The following NREP variants were observed in gnomAD, a reference collection of about 807,000 sequenced individuals.
NREP encodes the protein neuronal regeneration-related protein.
In NREP, 5 loss-of-function variants were observed where a neutral mutation model predicts 8.6. That is an observed-to-expected ratio of 0.58 (90% CI 0.30 to 1.22). The LOEUF (loss-of-function observed/expected upper bound fraction) is 1.22, where lower values mean the gene tolerates loss of function less well. Among genes scored for constraint, NREP ranks in the 50% most tolerant of loss-of-function variants. The pLI, the probability that NREP is intolerant of heterozygous loss-of-function variation, is 0.07. For synonymous variants in NREP, 27 were observed against 28.0 expected, an observed-to-expected ratio of 0.96 and a Z score of 0.11; for missense variants, 86 against 82.5, an observed-to-expected ratio of 1.04 and a Z score of -0.17.
At position 111,824,938 on chromosome 5, in the gene NREP, G is replaced by A. The variant is rs76743983; in HGVS notation, c.136-89431C>T. Among the ~76,000 whole-genome samples, 412 of 152,216 alleles carry A rather than the reference G, an allele frequency of 2.7e-3. 7 individuals are homozygous for A. In the East Asian group the frequency reaches 0.051, roughly 19 times the overall value. On this transcript the variant is annotated intron_variant, in intron 2 of 3. Transcript: ENST00000395634. The stretch of plus-strand genomic sequence containing the variant: ...AAGTGCTATGAATAGTTCAATAAAT[G>A]CATTACATATATCGTCTATGTTGTT...
At chr5:111,751,460 T>C (rs1750357013) in intron 2 of NREP, among the ~76,000 whole-genome samples, 1 of 152,154 alleles carries the variant, frequency 6.6e-6, no homozygotes, top group Non-Finnish European at 1.5e-5. Context: ...TTCAGAAAAA[T>C]CTATTTCAAA....
At chr5:111,975,435 C>A in intron 1 of NREP, 1 of 1,174,818 alleles carries the variant, frequency 8.5e-7, no homozygotes. Flanking sequence ...AGTGCCACAA[C>A]TCACAGCTCC....
chr5:111,781,647 C>G lies in NREP; in HGVS notation c.136-46140G>C, dbSNP rs199948848. On this transcript the variant is annotated intron_variant, in intron 2 of 3. Coordinates refer to the NREP transcript ENST00000395634. ...ATGCTACATTAAATAAATAATACAT[C>G]CTCACTTCCAGGATCTTTGGAAAAA... 3.9e-5 allele frequency among the ~76,000 whole-genome samples: 6 copies of G among 152,280 alleles called. No homozygotes were observed. In the East Asian group the frequency reaches 1.2e-3, roughly 29 times the overall value.
intron 2 of NREP, among the ~76,000 whole-genome samples, chr5:111,868,147 A>G (rs567588998): frequency 1.5e-3 from 223 of 152,298 alleles, no homozygotes; most frequent in African/African-American, 5.2e-3. Context: ...ATCTCATTTC[A>G]TTATGGAAAA....
At chr5:111,907,583 C>T (rs375457181) in intron 2 of NREP, among the ~76,000 whole-genome samples, 1 of 152,164 alleles carries the variant, frequency 6.6e-6, no homozygotes, top group African/African-American at 2.4e-5. Context: ...GTTATTATAA[C>T]TTTATTGTAT....
chr5:111,758,345 C>G (rs992918067), upstream of NREP: 8 of 763,498 alleles, frequency 1.0e-5, no homozygotes, highest in South Asian at 4.8e-4. Context: ...CACTGCCTGC[C>G]CGTCTGAAAT....
chr5:111,750,823 A>G (rs1750315461), intron 2 of NREP, among the ~76,000 whole-genome samples: 1 of 152,224 alleles, frequency 6.6e-6, no homozygotes, highest in Admixed American at 6.5e-5. Context: ...GAGAGATGGC[A>G]TCGCACCACA....
intron 2 of NREP, among the ~76,000 whole-genome samples, chr5:111,883,269 C>A (rs988737039): frequency 6.6e-6 from 1 of 152,174 alleles, no homozygotes; most frequent in Non-Finnish European, 1.5e-5. Flanking sequence ...ATGAGAAGAG[C>A]TAACTATCCT....
At chr5:111,799,850 T>C (rs1751961112) in intron 2 of NREP, among the ~76,000 whole-genome samples, 1 of 152,342 alleles carries the variant, frequency 6.6e-6, no homozygotes, top group Admixed American at 6.5e-5. Flanking sequence ...AGATATGAAA[T>C]ACAGTGAAAG....
At chr5:111,956,235 G>A (rs1020335292) in intron 2 of NREP, among the ~76,000 whole-genome samples, 8 of 152,056 alleles carry the variant, frequency 5.3e-5, no homozygotes, top group Admixed American at 1.3e-4. Context: ...GACAAGAATT[G>A]CAGAACATAT....
upstream of NREP, chr5:111,757,853 G>A (rs1237819438): frequency 3.0e-5 from 29 of 973,392 alleles, no homozygotes; most frequent in Admixed American, 6.2e-5. Context: ...TTGGGGGCGC[G>A]CCAAGCGTGA....
In NREP at chr5:111,838,781, C is replaced by T. The variant is rs116690196; in HGVS notation, c.136-103274G>A. On this transcript the variant is annotated intron_variant, in intron 2 of 3. Transcript: ENST00000395634. ...ACATATAATGATATAATCTATATGA[C>T]CCATATGTTGAATTCATAATGATAC... Among the ~76,000 whole-genome samples, 1,070 of 151,750 alleles carry T rather than the reference C, an allele frequency of 7.1e-3. 22 individuals are homozygous for T. Among genetic ancestry groups the T allele is most frequent in the African/African-American group, 0.025 (1,035 of 41,368 alleles).
At chr5:111,876,530 C>G (rs2112505429) in intron 2 of NREP, among the ~76,000 whole-genome samples, 1 of 152,284 alleles carries the variant, frequency 6.6e-6, no homozygotes, top group Admixed American at 6.5e-5. Flanking sequence ...CACAGACAGT[C>G]ACAGGAATAG....
chr5:111,777,930 A>C lies in NREP; in HGVS notation c.136-42423T>G, dbSNP rs1751403158. ...ATGAAATAGGTTGCTGATTGAGATA[A>C]ATAGGGTATGGGAGGTCCAGGAATT... On this transcript the variant is annotated intron_variant, in intron 2 of 3. Transcript: ENST00000395634. Among the ~76,000 whole-genome samples, 2 of 152,108 alleles carry C rather than the reference A, an allele frequency of 1.3e-5. 1 individual carries two copies. The highest frequency in any genetic ancestry group is 1.3e-4 in the Admixed American group (2 of 15,260).
intron 2 of NREP, among the ~76,000 whole-genome samples, chr5:111,770,164 G>A (rs1751183646): frequency 6.6e-6 from 1 of 152,128 alleles, no homozygotes; most frequent in Admixed American, 6.6e-5. Flanking sequence ...CCAGACTTCA[G>A]GAATATTTTT....
chr5:111,931,504 A>G (rs1755536181), intron 2 of NREP, among the ~76,000 whole-genome samples: 1 of 152,096 alleles, frequency 6.6e-6, no homozygotes, highest in South Asian at 2.1e-4. Context: ...CTAAGTCAAG[A>G]CTTCAGATGA....
At chr5:111,898,202 T>C (rs561225720) in intron 2 of NREP, among the ~76,000 whole-genome samples, 1 of 152,190 alleles carries the variant, frequency 6.6e-6, no homozygotes, top group Non-Finnish European at 1.5e-5. Context: ...TGAGAACAGC[T>C]ATAAAGAGGA....
intron 2 of NREP, among the ~76,000 whole-genome samples, chr5:111,805,700 C>G (rs1355227627): frequency 6.6e-6 from 1 of 152,098 alleles, no homozygotes; most frequent in Non-Finnish European, 1.5e-5. Flanking sequence ...CAAATAAGTT[C>G]AGGACTGACT....
intron 2 of NREP, among the ~76,000 whole-genome samples, chr5:111,967,803 A>T (rs1232501270): frequency 6.6e-6 from 1 of 152,088 alleles, no homozygotes; most frequent in Non-Finnish European, 1.5e-5. Flanking sequence ...TAAAAAAAAA[A>T]AGAAGATCTT....
Sources: allele counts gnomAD v4.1 joint callset (sites outside exome capture counted in the v4.1 genomes callset), GRCh38; gene constraint gnomAD v4.1.1; transcripts MANE v1.5; gene names NCBI Gene and HGNC (gene_info 2026-07-23, HGNC 2026-07-21).